The following TJP1 variants were observed in gnomAD, a reference collection of about 807,000 sequenced individuals.
TJP1 encodes tight junction protein 1, also known as tight junction protein ZO-1.
A neutral mutation model predicts 194.2 loss-of-function variants in TJP1; 43 were observed. That is an observed-to-expected ratio of 0.22 (90% CI 0.17 to 0.29). The LOEUF is 0.29. Ranked by LOEUF, TJP1 falls within the 10% of genes least tolerant of loss-of-function variation. TJP1 has a pLI of 1.00. For missense variants in TJP1, 1,971 were observed against 2,185.7 expected, an observed-to-expected ratio of 0.90 and a Z score of 1.96; for synonymous variants, 801 against 779.0, an observed-to-expected ratio of 1.03 and a Z score of -0.47.
chr15:29,884,821 G>C (rs551364894), intron 2 of TJP1, among the ~76,000 whole-genome samples: 2 of 152,234 alleles, frequency 1.3e-5, no homozygotes, highest in African/African-American at 4.8e-5. Context: ...TAACTAAAGG[G>C]ATCAAAAAGT....
intron 2 of TJP1, among the ~76,000 whole-genome samples, chr15:29,915,467 C>G (rs944505503): frequency 4.6e-5 from 7 of 152,228 alleles, no homozygotes; most frequent in Non-Finnish European, 1.0e-4. Flanking sequence ...TCCCTTCCAA[C>G]TGGAAAATCA....
intron 8 of TJP1, among the ~76,000 whole-genome samples, chr15:29,758,464 T>C (rs943005929): frequency 1.3e-5 from 2 of 152,188 alleles, no homozygotes; most frequent in East Asian, 1.9e-4. Flanking sequence ...AAGTTAAGGT[T>C]ACAGATTCTA....
At chr15:29,706,313 CAATT>C (rs913257102) in intron 25 of TJP1, among the ~76,000 whole-genome samples, 4 of 152,132 alleles carry the variant, frequency 2.6e-5, no homozygotes, top group African/African-American at 7.2e-5. Context: ...TTTTTGAAGG[CAATT>C]AGTCAAACGA....
At chr15:29,761,827 T>TA in intron 6 of TJP1, 58 bp from the exon 7 acceptor site, 1 of 1,407,448 alleles carries the variant, frequency 7.1e-7, no homozygotes, top group Non-Finnish European at 9.4e-7. Context: ...AATGTTAACT[T>TA]AGTTTGTTAT....
At chr15:29,782,627 AGG>A (rs1253287113) in intron 2 of TJP1, among the ~76,000 whole-genome samples, 1 of 152,176 alleles carries the variant, frequency 6.6e-6, no homozygotes, top group African/African-American at 2.4e-5. Context: ...TTCTGGACAT[AGG>A]AACTGGCAAA....
intron 1 of TJP1, among the ~76,000 whole-genome samples, chr15:29,801,434 C>T (rs2048773474): frequency 6.6e-6 from 1 of 151,746 alleles, no homozygotes; most frequent in African/African-American, 2.4e-5. Context: ...CTGTCATGAG[C>T]CTCTCAATAG....
intron 2 of TJP1, among the ~76,000 whole-genome samples, chr15:29,940,571 G>A (rs748744869): frequency 6.6e-5 from 10 of 152,002 alleles, no homozygotes; most frequent in African/African-American, 1.2e-4. Flanking sequence ...TTGAAATTAC[G>A]TGTGTGTGCA....
At chr15:29,742,259 A>G (rs904805344) in intron 9 of TJP1, among the ~76,000 whole-genome samples, 3 of 152,068 alleles carry the variant, frequency 2.0e-5, no homozygotes, top group Non-Finnish European at 4.4e-5. Context: ...TCAAAAAAAA[A>G]AACCCAAAGA....
intron 2 of TJP1, among the ~76,000 whole-genome samples, chr15:29,879,322 G>C (rs1333910419): frequency 6.6e-6 from 1 of 152,140 alleles, no homozygotes; most frequent in Non-Finnish European, 1.5e-5. Context: ...CGGACGGCAA[G>C]GCTCAGGCTC....
chr15:29,967,577 C>A (rs2056376419), intron 1 of TJP1, among the ~76,000 whole-genome samples: 2 of 152,210 alleles, frequency 1.3e-5, no homozygotes, highest in African/African-American at 4.8e-5. Context: ...AGTGGCACAA[C>A]TGAATTCTGA....
intron 5 of TJP1, among the ~76,000 whole-genome samples, chr15:29,762,957 T>C (rs1409495328): frequency 2.0e-5 from 3 of 152,148 alleles, no homozygotes; most frequent in East Asian, 1.9e-4. Context: ...TTTGAAAAGA[T>C]TGACCATTTT....
At chr15:29,745,049 T>C (rs562410713) in intron 8 of TJP1, among the ~76,000 whole-genome samples, 1 of 152,242 alleles carries the variant, frequency 6.6e-6, no homozygotes, top group South Asian at 2.1e-4. Flanking sequence ...GAAAAAAGTG[T>C]TAATATCAAA....
chr15:29,897,324 G>A (rs569182063), intron 2 of TJP1, among the ~76,000 whole-genome samples: 5 of 152,210 alleles, frequency 3.3e-5, no homozygotes, highest in African/African-American at 7.2e-5. Context: ...GCCTGCAGGC[G>A]CACAGAAGTC....
chr15:29,949,936 CACCTCCACA>C (rs2055601612), intron 2 of TJP1, among the ~76,000 whole-genome samples: 1 of 52,908 alleles, frequency 1.9e-5, no homozygotes, highest in African/African-American at 1.6e-4. Context: ...CCACCACCAC[CACCTCCACA>C]ACCACCACCA....
At chr15:29,795,888 A>G (rs1033607227) in intron 2 of TJP1, among the ~76,000 whole-genome samples, 3 of 152,176 alleles carry the variant, frequency 2.0e-5, no homozygotes, top group African/African-American at 4.8e-5. Context: ...CAGATTAAGA[A>G]GAAAACCCAT....
Position 29,945,287 on chromosome 15 carries a change from T to C in TJP1, c.306+10945A>G, listed in dbSNP as rs553553930. On this transcript the variant is annotated intron_variant, in intron 2 of 28. Coordinates refer to the TJP1 transcript ENST00000356107. ...AGTATGTGCCTAAGTAGGAATTATG[T>C]TAGCTAGGAGAATCTGGAAAAAGTA... Among the ~76,000 whole-genome samples the C allele has an allele frequency of 3.9e-5, 6 of 152,370 alleles. No individual in the cohort carries two copies. In the South Asian group the frequency reaches 1.2e-3, roughly 32 times the overall value.
intron 2 of TJP1, among the ~76,000 whole-genome samples, chr15:29,775,904 T>C (rs1036148439): frequency 2.0e-5 from 3 of 152,098 alleles, no homozygotes; most frequent in Non-Finnish European, 4.4e-5. Flanking sequence ...ATGAGGGAAT[T>C]ATCCCACAAA....
chr15:29,968,767 C>G, exon 1 of TJP1: 8 of 1,223,632 alleles, frequency 6.5e-6, no homozygotes, highest in Non-Finnish European at 8.4e-6. Flanking sequence ...TTCATCTTGT[C>G]CCCGCTCCGC....
chr15:29,716,912 CT>C, intron 22 of TJP1, 74 bp from the exon 23 acceptor site: 1 of 1,274,996 alleles, frequency 7.8e-7, no homozygotes, highest in Non-Finnish European at 1.1e-6. Flanking sequence ...ATATGTAAGT[CT>C]TATCTTGACT....
Sources: gnomAD v4.1 joint callset for allele counts (sites outside exome capture counted in the v4.1 genomes callset) on GRCh38, gnomAD v4.1.1 for gene constraint, MANE v1.5 for transcripts, NCBI Gene and HGNC (gene_info 2026-07-23, HGNC 2026-07-21) for gene names.